Variants in PLCL2 observed in about 807,000 individuals in gnomAD.
The protein encoded by PLCL2 is inactive phospholipase C-like protein 2.
PLCL2 carries 4 observed loss-of-function variants against 79.6 expected under a neutral mutation model. That is an observed-to-expected ratio of 0.05 (90% CI 0.02 to 0.11). PLCL2 has a LOEUF of 0.11. Among genes scored for constraint, PLCL2 ranks in the 10% least tolerant of loss-of-function variants. PLCL2 has a pLI of 1.00. For synonymous variants in PLCL2, 484 were observed against 457.7 expected, an observed-to-expected ratio of 1.06 and a Z score of -0.73; for missense variants, 895 against 1,291.0, an observed-to-expected ratio of 0.69 and a Z score of 4.70.
chr3:16,927,699 C>T (rs201331585), intron 1 of PLCL2, among the ~76,000 whole-genome samples: 1 of 150,380 alleles, frequency 6.6e-6, no homozygotes, highest in East Asian at 1.9e-4. Context: ...GTCAGTAGTG[C>T]AGGGTTCCCC....
chr3:16,904,604 G>A (rs1211752747), intron 1 of PLCL2, among the ~76,000 whole-genome samples: 1 of 152,116 alleles, frequency 6.6e-6, no homozygotes, highest in Non-Finnish European at 1.5e-5. Context: ...AGCACAGCCT[G>A]GAAGCAGACA....
At chr3:16,903,952 G>A (rs922008540) in intron 1 of PLCL2, among the ~76,000 whole-genome samples, 12 of 152,154 alleles carry the variant, frequency 7.9e-5, no homozygotes, top group Non-Finnish European at 1.5e-4. Context: ...GTTAGTTTTC[G>A]TTGATTATGT....
At chr3:16,966,671 A>T (rs191523596) in intron 1 of PLCL2, among the ~76,000 whole-genome samples, 1 of 151,984 alleles carries the variant, frequency 6.6e-6, no homozygotes, top group Admixed American at 6.6e-5. Context: ...TTAGTATGCT[A>T]TTAATTATTG....
chr3:16,888,021 T>C (rs1024023373), intron 1 of PLCL2, among the ~76,000 whole-genome samples: 2 of 152,136 alleles, frequency 1.3e-5, no homozygotes, highest in African/African-American at 4.8e-5. Context: ...TTTATGGGGT[T>C]GTATTAGTTG....
Position 17,011,977 on chromosome 3 carries a change from C to T in PLCL2, c.2631C>T (p.His877=), listed in dbSNP as rs140113907. 17 of 1,614,008 alleles carry T rather than the reference C, an allele frequency of 1.1e-5. No homozygotes were observed. Among genetic ancestry groups the T allele is most frequent in the Non-Finnish European group, 1.4e-5 (16 of 1,179,988 alleles). The change falls in exon 2 of 6, where the codon CAC becomes CAT. Residue 877 remains histidine (H), a synonymous_variant. Coordinates refer to ENST00000615277, the MANE Select transcript of PLCL2 (RefSeq NM_001144382.2). This position sits in a 1 kb window ranked among gnomAD's most constrained non-coding sequence, Gnocchi z 7.9. ...TTGCACATGCTTCTTTATTTGTCCA[C>T]GTGGCTATTACTAACCGAAGAGGAG... ...EVLAHASLFV[H]VAITNRRGGG...
At chr3:16,913,387 G>A (rs138994973) in intron 1 of PLCL2, among the ~76,000 whole-genome samples, 43 of 150,766 alleles carry the variant, frequency 2.9e-4, no homozygotes, top group African/African-American at 1.0e-3. Flanking sequence ...TCTTCTGTGG[G>A]TTTACTAATT....
chr3:16,909,404 C>G (rs1485960732), intron 1 of PLCL2, among the ~76,000 whole-genome samples: 1 of 152,168 alleles, frequency 6.6e-6, no homozygotes, highest in African/African-American at 2.4e-5. Context: ...GACTGCTGTG[C>G]TGATTAAATG....
chr3:16,994,827 A>G (rs766920909), intron 1 of PLCL2, among the ~76,000 whole-genome samples: 24 of 152,092 alleles, frequency 1.6e-4, no homozygotes, highest in Non-Finnish European at 3.2e-4. Context: ...AGTGCTCACC[A>G]CAGCTCCGTT....
chr3:16,949,964 T>C (rs1414266699), intron 1 of PLCL2, among the ~76,000 whole-genome samples: 1 of 152,216 alleles, frequency 6.6e-6, no homozygotes, highest in Non-Finnish European at 1.5e-5. Context: ...CTTGTATTCA[T>C]TGGACTGTCT....
At chr3:16,970,039 T>TAC (rs2063842978) in intron 1 of PLCL2, among the ~76,000 whole-genome samples, 2 of 88,236 alleles carry the variant, frequency 2.3e-5, no homozygotes, top group Admixed American at 2.5e-4. Flanking sequence ...GGCTTTGATT[T>TAC]ATATATATAT....
chr3:16,916,497 G>C (rs1003549788), intron 1 of PLCL2, among the ~76,000 whole-genome samples: 8 of 152,092 alleles, frequency 5.3e-5, no homozygotes, highest in African/African-American at 1.9e-4. Flanking sequence ...ATATATTCTG[G>C]AGCTTGGCAT....
chr3:16,924,087 T>A (rs1697188662), intron 1 of PLCL2, among the ~76,000 whole-genome samples: 3 of 152,356 alleles, frequency 2.0e-5, no homozygotes, highest in Admixed American at 1.3e-4. Flanking sequence ...TAAAAATCTT[T>A]GATTAGTACA....
intron 1 of PLCL2, among the ~76,000 whole-genome samples, chr3:16,969,393 G>C (rs919967936): frequency 3.9e-5 from 6 of 151,940 alleles, no homozygotes; most frequent in African/African-American, 1.4e-4. Flanking sequence ...TAGTTCGTAG[G>C]CTTTTTATTA....
chr3:17,040,513 G>C (rs977825638), intron 3 of PLCL2, among the ~76,000 whole-genome samples: 4 of 152,182 alleles, frequency 2.6e-5, no homozygotes, highest in Middle Eastern at 3.2e-3. Context: ...AGGGCATTCA[G>C]CTAATTTGGG....
intron 4 of PLCL2, among the ~76,000 whole-genome samples, chr3:17,060,999 A>G (rs932019578): frequency 1.3e-5 from 2 of 152,184 alleles, no homozygotes; most frequent in African/African-American, 4.8e-5. Flanking sequence ...CAGTTGAAAA[A>G]CTAATCTTTA....
At chr3:17,082,397 G>T (rs1276379145) in intron 5 of PLCL2, among the ~76,000 whole-genome samples, 2 of 151,890 alleles carry the variant, frequency 1.3e-5, no homozygotes, top group African/African-American at 4.8e-5. Context: ...CTCCCAAAGT[G>T]CTGGGATTAC....
intron 1 of PLCL2, among the ~76,000 whole-genome samples, chr3:16,994,835 G>A (rs17042972): frequency 0.036 from 5,527 of 152,190 alleles, 178 homozygotes; most frequent in Admixed American, 0.11. Flanking sequence ...CCACAGCTCC[G>A]TTATTACATC....
intron 1 of PLCL2, among the ~76,000 whole-genome samples, chr3:16,998,573 C>G (rs911811037): frequency 6.6e-6 from 1 of 152,176 alleles, no homozygotes; most frequent in South Asian, 2.1e-4. Context: ...TAAAGGATCA[C>G]TAGTGTAATT....
At position 16,897,709 on chromosome 3, in the gene PLCL2, G is replaced by A. The variant is rs1476358990; in HGVS notation, c.327+12343G>A. 3.3e-5 allele frequency among the ~76,000 whole-genome samples: 5 copies of A among 152,332 alleles called. No individual in the cohort carries two copies. In the East Asian group the frequency reaches 9.6e-4, roughly 29 times the overall value. On this transcript the variant is annotated intron_variant, in intron 1 of 5. Coordinates refer to ENST00000615277, the MANE Select transcript of PLCL2 (RefSeq NM_001144382.2). ...GCTCCAGTGCTCCGCCCGAGGGTGG[G>A]CTGACATCTGGGTTGGCACGTCATG... is the stretch of plus-strand genomic sequence containing the variant.
Sources: allele counts gnomAD v4.1 joint callset (sites outside exome capture counted in the v4.1 genomes callset), GRCh38; gene constraint gnomAD v4.1.1; non-coding constraint Gnocchi (gnomAD v3.1); transcripts MANE v1.5; gene names NCBI Gene and HGNC (gene_info 2026-07-23, HGNC 2026-07-21).